Variants in CLECL1 observed in about 807,000 individuals in gnomAD.
The protein encoded by CLECL1 is C-type lectin-like domain family 1.
chr12:9,722,909 G>C, intron 3 of CLECL1, 96 bp from the exon 2 acceptor site: 1 of 836,244 alleles, frequency 1.2e-6, no homozygotes, highest in East Asian at 2.8e-5. Context: ...TATATTATGT[G>C]CTAAGCTTTC....
At chr12:9,705,460 G>A in the CLECL1 span, among the ~76,000 whole-genome samples, 18 of 152,104 alleles carry the variant, frequency 1.2e-4, no homozygotes, top group East Asian at 1.7e-3. Flanking sequence ...TGGCATCTTC[G>A]TCATGAAATA....
the CLECL1 span, chr12:9,709,346 C>T: frequency 6.6e-6 from 1 of 152,346 alleles, no homozygotes; most frequent in Non-Finnish European, 1.5e-5. Flanking sequence ...CTCACTTGCC[C>T]CCTCCTAGAA....
downstream of CLECL1, among the ~76,000 whole-genome samples, chr12:9,721,084 A>G (rs2121046166): frequency 6.6e-6 from 1 of 152,270 alleles, no homozygotes. Flanking sequence ...CATGGAAATG[A>G]AAGCCACACA....
downstream of CLECL1, among the ~76,000 whole-genome samples, chr12:9,714,151 A>G (rs747164181): frequency 5.3e-5 from 8 of 152,364 alleles, no homozygotes; most frequent in South Asian, 1.7e-3. Context: ...TTGTAACTGT[A>G]TGATTCGGTT....
At chr12:9,733,204 T>C (rs1290318512), upstream of CLECL1, 1 of 1,613,790 alleles carries the variant, frequency 6.2e-7, no homozygotes, top group Non-Finnish European at 8.5e-7. Flanking sequence ...TGTTCAGTCT[T>C]ACTAATCAAG....
At chr12:9,720,303 G>A (rs1435610931), downstream of CLECL1, among the ~76,000 whole-genome samples, 1 of 151,788 alleles carries the variant, frequency 6.6e-6, no homozygotes. Context: ...TAGCAGATAG[G>A]GGAGAAGGTA....
chr12:9,726,592 G>A (rs1056608444), intron 3 of CLECL1, among the ~76,000 whole-genome samples: 5 of 151,928 alleles, frequency 3.3e-5, no homozygotes, highest in South Asian at 2.1e-4. Context: ...GATCAACTAC[G>A]TTTTACTTTA....
chr12:9,710,204 T>G, the CLECL1 span, among the ~76,000 whole-genome samples: 3 of 152,198 alleles, frequency 2.0e-5, no homozygotes, highest in Non-Finnish European at 4.4e-5. Flanking sequence ...AACCCATGCA[T>G]ACTTAACCTT....
At chr12:9,717,756 T>C (rs10844569), downstream of CLECL1, among the ~76,000 whole-genome samples, 42,966 of 152,032 alleles carry the variant, frequency 0.28, 6,719 homozygotes, top group South Asian at 0.46. Context: ...ATATCTCTCC[T>C]TTGACAATTC....
At chr12:9,706,684 C>T in the CLECL1 span, among the ~76,000 whole-genome samples, 1 of 152,160 alleles carries the variant, frequency 6.6e-6, no homozygotes, top group Admixed American at 6.5e-5. Flanking sequence ...TTGAACCAAC[C>T]TTGCATCCCA....
chr12:9,728,444 A>G (rs1866407429), intron 2 of CLECL1, among the ~76,000 whole-genome samples: 1 of 151,848 alleles, frequency 6.6e-6, no homozygotes, highest in Admixed American at 6.6e-5. Flanking sequence ...ACATCATAAT[A>G]TAGTGCATCC....
chr12:9,714,244 G>A (rs1165090719), downstream of CLECL1, among the ~76,000 whole-genome samples: 1 of 152,186 alleles, frequency 6.6e-6, no homozygotes, highest in Non-Finnish European at 1.5e-5. Flanking sequence ...GATTTTTTCA[G>A]GAGGCCATTC....
At chr12:9,733,403 G>A (rs10492166), upstream of CLECL1, 283,293 of 573,648 alleles carry the variant, frequency 0.49, 71,092 homozygotes, top group Middle Eastern at 0.58. Context: ...ATTCTCTGGC[G>A]GAAACTCTGA....
At chr12:9,720,220 T>A (rs1208704779), downstream of CLECL1, among the ~76,000 whole-genome samples, 1 of 152,114 alleles carries the variant, frequency 6.6e-6, no homozygotes, top group Non-Finnish European at 1.5e-5. Context: ...GTTCCCCCAG[T>A]TCCCTAAGGG....
intron 2 of CLECL1, among the ~76,000 whole-genome samples, chr12:9,729,493 A>G (rs1866419516): frequency 6.6e-6 from 1 of 152,164 alleles, no homozygotes; most frequent in African/African-American, 2.4e-5. Flanking sequence ...AAGTTGTACC[A>G]TATTGTTTAG....
chr12:9,725,934 G>T (rs79251813), intron 3 of CLECL1, among the ~76,000 whole-genome samples: 2 of 151,982 alleles, frequency 1.3e-5, no homozygotes, highest in Non-Finnish European at 2.9e-5. Context: ...TTTACTGAAA[G>T]GTGATGGGAT....
the CLECL1 span, among the ~76,000 whole-genome samples, chr12:9,707,409 T>G: frequency 1.3e-5 from 2 of 152,182 alleles, no homozygotes; most frequent in Non-Finnish European, 2.9e-5. Flanking sequence ...TTCTTAAATG[T>G]TTACACATAC....
chr12:9,720,992 A>G (rs1441371586), downstream of CLECL1, among the ~76,000 whole-genome samples: 2 of 152,178 alleles, frequency 1.3e-5, no homozygotes, highest in Non-Finnish European at 2.9e-5. Context: ...TCATTCTTCA[A>G]TGGATTTGAA....
the CLECL1 span, among the ~76,000 whole-genome samples, chr12:9,707,704 A>T: frequency 6.6e-6 from 1 of 152,212 alleles, no homozygotes; most frequent in Non-Finnish European, 1.5e-5. Flanking sequence ...GGATCTCAGA[A>T]GTTGAGTATG....
Sources: gnomAD v4.1 joint callset for allele counts (sites outside exome capture counted in the v4.1 genomes callset) on GRCh38, gnomAD v4.1.1 for gene constraint, MANE v1.5 for transcripts, NCBI Gene and HGNC (gene_info 2026-07-23, HGNC 2026-07-21) for gene names.